Variants in PAX5 observed in about 807,000 individuals in gnomAD.
The protein encoded by PAX5 is paired box protein Pax-5.
PAX5 carries 9 observed loss-of-function variants against 43.7 expected under a neutral mutation model. That is an observed-to-expected ratio of 0.21 (90% confidence interval 0.12 to 0.36). PAX5 has a LOEUF of 0.36. PAX5 is among the 10% of genes least tolerant of loss of function. The pLI is 1.00. For missense variants in PAX5, 383 were observed against 532.7 expected (o/e 0.72, Z 2.77); for synonymous variants, 228 against 214.3 (o/e 1.06, Z -0.56).
chr9:36,848,960 T>C (rs10448236), intron 8 of PAX5, among the ~76,000 whole-genome samples: 141,637 of 152,290 alleles, frequency 0.93, 66,692 homozygotes, highest in East Asian at 1. Context: ...CCCACCATCC[T>C]CTACCCTGTC....
At position 36,981,443 on chromosome 9, in the gene PAX5, AAAAAC is replaced by A. The variant is rs771844739; in HGVS notation, c.605-14724_605-14720del. On this transcript the variant is annotated intron_variant, in intron 5 of 9. Transcript: ENST00000358127. ...ATTTCACTGAAACTGGCAAAAAAAA[AAAAAC>A]AAAAAACAGGTACAAAGGAGAAGGG... Among the ~76,000 whole-genome samples the A allele has an allele frequency of 3.4e-3, 518 of 150,196 alleles. 13 individuals carry two copies. The highest frequency in any genetic ancestry group is 0.01 in the Middle Eastern group (3 of 286).
chr9:36,883,017 G>A (rs1392297995), intron 7 of PAX5, among the ~76,000 whole-genome samples: 1 of 152,232 alleles, frequency 6.6e-6, no homozygotes, highest in African/African-American at 2.4e-5. Context: ...AAGATGGGGG[G>A]CATTAGCCCA....
At chr9:37,014,600 T>A (rs1192615605) in intron 3 of PAX5, among the ~76,000 whole-genome samples, 1 of 152,178 alleles carries the variant, frequency 6.6e-6, no homozygotes, top group Non-Finnish European at 1.5e-5. Context: ...TTCCTGGGAA[T>A]CTTTGAGATG....
chr9:37,027,739 G>A (rs1012203998), intron 1 of PAX5, among the ~76,000 whole-genome samples: 1 of 152,254 alleles, frequency 6.6e-6, no homozygotes, highest in Admixed American at 6.5e-5. Context: ...TCCGGGCGGG[G>A]GCGGGGCGGG....
In PAX5 at chr9:36,864,600, G is replaced by A. The variant is rs192499503; in HGVS notation, c.1012+17404C>T. Among the ~76,000 whole-genome samples, 77 of 152,310 alleles carry A rather than the reference G, an allele frequency of 5.1e-4. No individual in the cohort carries two copies. In the East Asian group the frequency reaches 9.1e-3, roughly 18 times the overall value. On this transcript the variant is annotated intron_variant, in intron 8 of 9. Coordinates refer to ENST00000358127, the MANE Select transcript of PAX5 (RefSeq NM_016734.3). ...AACTCCACCCTCACCTGCCCCCATC[G>A]GCCCAGGCCAGCTAAGGCTGGTGGG...
intron 7 of PAX5, among the ~76,000 whole-genome samples, chr9:36,921,028 G>A (rs1043542799): frequency 2.0e-5 from 3 of 152,074 alleles, no homozygotes; most frequent in Non-Finnish European, 4.4e-5. Context: ...GGCCGGGCTG[G>A]TCTAGAACCC....
chr9:36,928,104 C>T (rs74349584), intron 6 of PAX5, among the ~76,000 whole-genome samples: 1 of 152,218 alleles, frequency 6.6e-6, no homozygotes, highest in Non-Finnish European at 1.5e-5. Context: ...TCTGCTCCTG[C>T]ATGAGCCAGG....
At chr9:36,949,058 T>C (rs1563999884) in intron 6 of PAX5, among the ~76,000 whole-genome samples, 1 of 152,120 alleles carries the variant, frequency 6.6e-6, no homozygotes, top group Non-Finnish European at 1.5e-5. Flanking sequence ...TTTTTTTGTT[T>C]GTTTTGTTTT....
chr9:37,008,258 T>C (rs541707541), intron 3 of PAX5, among the ~76,000 whole-genome samples: 30 of 152,344 alleles, frequency 2.0e-4, no homozygotes, highest in African/African-American at 7.0e-4. Context: ...TTCACCACGT[T>C]AGCCAGGCTG....
rs1384162190 is a variant in PAX5 at position 36,838,502 on chromosome 9, C to A, written c.*2058G>T. On this transcript the variant is annotated 3_prime_UTR_variant, in exon 10 of 10. Coordinates refer to ENST00000358127, the MANE Select transcript of PAX5 (RefSeq NM_016734.3). ...ACCACCCTGTGGGGGACTTAGGGAA[C>A]AAAATACTTAGCGGTGGCCAGAGGA... The A allele has an allele frequency of 8.6e-6, 2 of 232,648 alleles. No homozygotes were observed. Among genetic ancestry groups the A allele is most frequent in the Non-Finnish European group, 1.7e-5 (2 of 117,784 alleles). 14.4% of individuals were successfully genotyped at this position (232,648 alleles called of 1,614,324 possible).
chr9:36,969,023 T>C (rs774444374), intron 5 of PAX5, among the ~76,000 whole-genome samples: 47 of 152,228 alleles, frequency 3.1e-4, no homozygotes, highest in Non-Finnish European at 5.9e-4. Flanking sequence ...TCACTCTTGC[T>C]AAAGCATGAC....
At chr9:36,897,593 C>G (rs1442993766) in intron 7 of PAX5, among the ~76,000 whole-genome samples, 1 of 152,092 alleles carries the variant, frequency 6.6e-6, no homozygotes, top group Non-Finnish European at 1.5e-5. Flanking sequence ...GAAGAAGAAA[C>G]TCCTGCAAGG....
intron 6 of PAX5, among the ~76,000 whole-genome samples, chr9:36,960,763 T>C (rs1833903948): frequency 6.6e-6 from 1 of 152,164 alleles, no homozygotes; most frequent in Admixed American, 6.5e-5. Flanking sequence ...TGTACCTGAC[T>C]TCCTGTCACT....
rs866376518 is a variant in PAX5, at chr9:36,871,734, C to T, written c.1012+10270G>A. Among the ~76,000 whole-genome samples the T allele has an allele frequency of 3.9e-5, 6 of 152,340 alleles. No homozygotes were observed. The South Asian group carries it at 1.2e-3, about 32-fold the overall frequency. ...GGATCTGGGGCCTGCCAACCACCATCAGAAGGAGCTGGAAACTGGGGAAAT... is the reference window on the plus strand; with the variant it reads ...GGATCTGGGGCCTGCCAACCACCATTAGAAGGAGCTGGAAACTGGGGAAAT... On this transcript the variant is annotated intron_variant, in intron 8 of 9. Coordinates refer to ENST00000358127, the MANE Select transcript of PAX5 (RefSeq NM_016734.3).
At chr9:36,979,415 C>T (rs1835724769) in intron 5 of PAX5, among the ~76,000 whole-genome samples, 1 of 152,156 alleles carries the variant, frequency 6.6e-6, no homozygotes, top group Non-Finnish European at 1.5e-5. Context: ...GGGCTCTGTA[C>T]CTTATAGGGG....
intron 7 of PAX5, among the ~76,000 whole-genome samples, chr9:36,910,418 G>A (rs555926889): frequency 6.6e-6 from 1 of 152,300 alleles, no homozygotes; most frequent in South Asian, 2.1e-4. Flanking sequence ...ACTCCATTGT[G>A]TGGATGAGCT....
At chr9:36,864,620 GGTGGGCCTGAGC>G (rs1454588817) in intron 8 of PAX5, among the ~76,000 whole-genome samples, 2 of 152,218 alleles carry the variant, frequency 1.3e-5, no homozygotes, top group Non-Finnish European at 2.9e-5. Flanking sequence ...AGCTAAGGCT[GGTGGGCCTGAGC>G]GTGGGCCAGC....
chr9:36,930,690 G>A (rs1265052378), intron 6 of PAX5, among the ~76,000 whole-genome samples: 1 of 152,152 alleles, frequency 6.6e-6, no homozygotes, highest in Non-Finnish European at 1.5e-5. Context: ...TTTTCACCAT[G>A]AGTAAAATGA....
intron 7 of PAX5, among the ~76,000 whole-genome samples, chr9:36,894,741 C>T (rs553014247): frequency 2.0e-5 from 3 of 152,366 alleles, no homozygotes; most frequent in South Asian, 4.1e-4. Flanking sequence ...CATTGTTAAC[C>T]GTGCCTCCTG....
Sources: gnomAD v4.1 joint callset for allele counts (sites outside exome capture counted in the v4.1 genomes callset) on GRCh38, gnomAD v4.1.1 for gene constraint, MANE v1.5 for transcripts, NCBI Gene and HGNC (gene_info 2026-07-23, HGNC 2026-07-21) for gene names.